TCERG1L: variants seen among roughly 807,000 people sequenced by gnomAD.
TCERG1L encodes the protein transcription elongation regulator 1-like protein.
A neutral mutation model predicts 56.3 loss-of-function variants in TCERG1L; 37 were observed. The observed-to-expected ratio is 0.66, with a 90% CI of 0.51 to 0.87. The LOEUF (loss-of-function observed/expected upper bound fraction) is 0.87. Among genes scored for constraint, TCERG1L ranks in the 40% least tolerant of loss-of-function variants. The pLI, the probability that TCERG1L is intolerant of heterozygous loss-of-function variation, is 0.00. For missense variants in TCERG1L, 799 were observed against 774.2 expected, an observed-to-expected ratio of 1.03 and a Z score of -0.38; for synonymous variants, 324 against 326.3, an observed-to-expected ratio of 0.99 and a Z score of 0.08.
chr10:131,111,689 C>CACT lies in TCERG1L; in HGVS notation c.1395+5109_1395+5110insAGT. 2.1e-5 allele frequency among the ~76,000 whole-genome samples: 3 copies of CACT among 143,044 alleles called. 1 individual carries two copies. The allele number at this position is 143,044 out of a possible 152,430, so 93.8% of individuals were successfully genotyped here. Reference sequence around the variant, plus strand: ...CAGCCTGACCTTCCCCTCGTCCACGCCCCGTGGGCAGAGGACAGGCTGCGA... The same window carrying CACT: ...CAGCCTGACCTTCCCCTCGTCCACGCACTCCCGTGGGCAGAGGACAGGCTGCGA... On this transcript the variant is annotated intron_variant, in intron 9 of 11. Coordinates refer to ENST00000368642, the MANE Select transcript of TCERG1L (RefSeq NM_174937.4).
chr10:131,263,953 T>A (rs1471246698), intron 3 of TCERG1L, among the ~76,000 whole-genome samples: 1 of 151,996 alleles, frequency 6.6e-6, no homozygotes, highest in Non-Finnish European at 1.5e-5. Flanking sequence ...TATTTCCAGT[T>A]GAGGAAGGAA....
chr10:131,224,491 T>C (rs564540092), intron 4 of TCERG1L, among the ~76,000 whole-genome samples: 28 of 152,290 alleles, frequency 1.8e-4, no homozygotes, highest in African/African-American at 6.5e-4. Context: ...AGGGGTTTTA[T>C]CTAATTCACC....
At chr10:131,141,268 C>T (rs74484584) in intron 7 of TCERG1L, among the ~76,000 whole-genome samples, 7,240 of 152,260 alleles carry the variant, frequency 0.048, 241 homozygotes, top group South Asian at 0.19. Context: ...TGTCCCCAGA[C>T]AGCCATCCTC....
At chr10:131,282,005 G>C (rs906406859) in intron 3 of TCERG1L, among the ~76,000 whole-genome samples, 1 of 151,844 alleles carries the variant, frequency 6.6e-6, no homozygotes, top group African/African-American at 2.4e-5. Flanking sequence ...GCGCGGTGGC[G>C]GGCGCCTGTA....
chr10:131,265,394 G>A (rs930766122), intron 3 of TCERG1L, among the ~76,000 whole-genome samples: 17 of 152,202 alleles, frequency 1.1e-4, no homozygotes, highest in African/African-American at 4.1e-4. Flanking sequence ...TATCAGTGAA[G>A]ACAGAAAGTT....
At chr10:131,213,718 T>C (rs1265605786) in intron 4 of TCERG1L, among the ~76,000 whole-genome samples, 1 of 152,220 alleles carries the variant, frequency 6.6e-6, no homozygotes, top group East Asian at 1.9e-4. Flanking sequence ...CCCTGGACCC[T>C]GCTCTCCTGT....
At chr10:131,131,857 A>T (rs1845622118) in intron 8 of TCERG1L, among the ~76,000 whole-genome samples, 1 of 152,240 alleles carries the variant, frequency 6.6e-6, no homozygotes, top group African/African-American at 2.4e-5. Flanking sequence ...TCCACACAAA[A>T]AGCGCAGGTC....
rs139604995 is a variant in TCERG1L, at chr10:131,100,016, G to A, written c.1486-1592C>T. 4.9e-3 allele frequency among the ~76,000 whole-genome samples: 742 copies of A among 151,954 alleles called. 2 individuals carry two copies. Among genetic ancestry groups the A allele is most frequent in the Non-Finnish European group, 8.4e-3 (573 of 67,956 alleles). ...GTAGCTGGGACTATAGGTGTGTGCC[G>A]CCACGCCCAGCTAATTTTTTTTGTA... On this transcript the variant is annotated intron_variant, in intron 10 of 11. Coordinates refer to ENST00000368642, the MANE Select transcript of TCERG1L (RefSeq NM_174937.4).
chr10:131,232,833 C>G (rs570009480), intron 4 of TCERG1L, among the ~76,000 whole-genome samples: 12 of 152,318 alleles, frequency 7.9e-5, no homozygotes, highest in South Asian at 4.1e-4. Flanking sequence ...AAAGCTCCCC[C>G]CAACCCCACC....
At chr10:131,184,575 T>C (rs1845216569) in intron 4 of TCERG1L, among the ~76,000 whole-genome samples, 1 of 152,230 alleles carries the variant, frequency 6.6e-6, no homozygotes. Flanking sequence ...TACCAAGTAG[T>C]TGGCTCCTGG....
intron 11 of TCERG1L, among the ~76,000 whole-genome samples, chr10:131,097,279 A>C (rs145883495): frequency 6.1e-4 from 93 of 152,150 alleles, no homozygotes; most frequent in African/African-American, 2.2e-3. Flanking sequence ...ATACATTGTT[A>C]ACCATTTTTA....
chr10:131,282,891 T>A (rs995709815), intron 3 of TCERG1L, among the ~76,000 whole-genome samples: 1 of 152,248 alleles, frequency 6.6e-6, no homozygotes, highest in Admixed American at 6.5e-5. Flanking sequence ...ATTTTTATCA[T>A]AACATTACTT....
At chr10:131,198,892 GACA>G (rs1030696115) in intron 4 of TCERG1L, among the ~76,000 whole-genome samples, 1 of 152,254 alleles carries the variant, frequency 6.6e-6, no homozygotes, top group Non-Finnish European at 1.5e-5. Flanking sequence ...GCGCCACGTG[GACA>G]ACACCAAGGT....
At chr10:131,298,325 T>C (rs1361917741) in intron 3 of TCERG1L, among the ~76,000 whole-genome samples, 2 of 152,216 alleles carry the variant, frequency 1.3e-5, no homozygotes, top group Non-Finnish European at 2.9e-5. Context: ...CTTAGAAGCA[T>C]TCTGTTCTAT....
intron 8 of TCERG1L, among the ~76,000 whole-genome samples, chr10:131,117,591 T>C (rs570218584): frequency 2.0e-5 from 3 of 152,194 alleles, no homozygotes; most frequent in Middle Eastern, 3.4e-3. Flanking sequence ...CCGGACACTG[T>C]GGGCAGCAGC....
At chr10:131,279,734 G>A (rs1564832342) in intron 3 of TCERG1L, among the ~76,000 whole-genome samples, 1 of 152,208 alleles carries the variant, frequency 6.6e-6, no homozygotes, top group African/African-American at 2.4e-5. Flanking sequence ...CTGAGCCAGG[G>A]AAATGTCCCC....
At chr10:131,221,477 T>G (rs981459064) in intron 4 of TCERG1L, among the ~76,000 whole-genome samples, 1 of 152,152 alleles carries the variant, frequency 6.6e-6, no homozygotes, top group Non-Finnish European at 1.5e-5. Flanking sequence ...CTTGAGCAAT[T>G]AGAAGGCAGC....
chr10:131,230,261 G>A (rs1277009228), intron 4 of TCERG1L, among the ~76,000 whole-genome samples: 2 of 152,274 alleles, frequency 1.3e-5, no homozygotes, highest in Non-Finnish European at 2.9e-5. Context: ...CACAGAGGCA[G>A]CTGTGAGCTG....
chr10:131,104,462 A>G (rs750277823), intron 9 of TCERG1L, 108 bp from the exon 10 acceptor site: 9 of 717,468 alleles, frequency 1.3e-5, no homozygotes, highest in African/African-American at 1.7e-5. Flanking sequence ...AACCAGCATT[A>G]AAGTACAATA....
Sources: gnomAD v4.1 joint callset for allele counts (sites outside exome capture counted in the v4.1 genomes callset) on GRCh38, gnomAD v4.1.1 for gene constraint, MANE v1.5 for transcripts, NCBI Gene and HGNC (gene_info 2026-07-23, HGNC 2026-07-21) for gene names.